Variants in HEXA observed in about 807,000 individuals in gnomAD.
HEXA encodes beta-hexosaminidase subunit alpha.
In HEXA, 54 loss-of-function variants were observed where a neutral mutation model predicts 73.3. The observed-to-expected ratio is 0.74, with a 90% confidence interval of 0.59 to 0.92. The LOEUF is 0.92. Ranked by LOEUF, HEXA falls within the 40% of genes least tolerant of loss-of-function variation. The pLI, the probability that HEXA is intolerant of heterozygous loss-of-function variation, is 0.00. For synonymous variants in HEXA, 230 were observed against 246.9 expected (o/e 0.93, Z 0.64); for missense variants, 649 against 653.0 (o/e 0.99, Z 0.07).
At chr15:72,345,316 G>T in intron 13 of HEXA, 130 bp downstream of exon 13, 1 of 1,511,614 alleles carries the variant, frequency 6.6e-7, no homozygotes, top group Non-Finnish European at 8.9e-7. Flanking sequence ...GGTTGAATCC[G>T]TGGATGAGGG....
chr15:72,345,537 C>T lies in HEXA; in HGVS notation c.1435G>A (p.Ala479Thr), dbSNP rs145012038. The change falls in exon 13 of 14, where the codon GCT (alanine) becomes ACT (threonine). Residue 479 changes from alanine (A) to threonine (T), a missense_variant. Transcript: ENST00000268097. ...LVPRLWPRAG[A>T]VAERLWSNKL... The stretch of plus-strand genomic sequence containing the variant: ...TTGCTCCACAGCCTTTCGGCAACAG[C>T]CCCTGCTCTGGGCCTGGAGGAAAAG... The T allele has an allele frequency of 4.2e-4, 672 of 1,614,226 alleles. 6 individuals carry two copies. The East Asian group carries it at 7.5e-3, about 18-fold the overall frequency.
intron 1 of HEXA, among the ~76,000 whole-genome samples, chr15:72,371,607 A>G (rs1319389146): frequency 1.3e-5 from 2 of 151,856 alleles, no homozygotes; most frequent in African/African-American, 2.4e-5. Context: ...AAAAAAAAAA[A>G]AAAAAAGAAA....
chr15:72,375,380 T>C (rs1271134555), intron 1 of HEXA, among the ~76,000 whole-genome samples: 1 of 152,160 alleles, frequency 6.6e-6, no homozygotes, highest in Non-Finnish European at 1.5e-5. Flanking sequence ...CTTTGCATAG[T>C]TCTTGTATTA....
In HEXA at chr15:72,343,404, A is replaced by C. The variant is rs1291191906; in HGVS notation, c.*673T>G. ...GAGTTTTTGAGACAGTCTCAAAAAC[A>C]AAAACAACAAAAAAACCCACTACCA... On this transcript the variant is annotated 3_prime_UTR_variant, in exon 14 of 14. Transcript: ENST00000268097. The C allele has an allele frequency of 2.0e-5, 3 of 152,278 alleles. No homozygotes were observed. The highest frequency in any genetic ancestry group is 7.2e-5 in the African/African-American group (3 of 41,456). The allele number at this position is 152,278 out of a possible 1,614,324, so 9.4% of individuals were successfully genotyped here. A position where few individuals can be genotyped will look rare whatever the true frequency, so the allele number is the denominator to read the frequency against.
intron 1 of HEXA, among the ~76,000 whole-genome samples, chr15:72,374,439 C>T (rs1419755465): frequency 6.6e-6 from 1 of 152,192 alleles, no homozygotes; most frequent in Non-Finnish European, 1.5e-5. Context: ...TTCCCCAAAT[C>T]AAATGTCACT....
At chr15:72,375,617 G>C (rs2089052851) in intron 1 of HEXA, 103 bp downstream of exon 1, 3 of 1,323,016 alleles carry the variant, frequency 2.3e-6, no homozygotes, top group Non-Finnish European at 1.1e-6. Flanking sequence ...TGTGATCAGA[G>C]GGCTGGACAA....
chr15:72,346,365 G>T, intron 11 of HEXA, 40 bp from the exon 12 acceptor site: 2 of 1,562,928 alleles, frequency 1.3e-6, no homozygotes, highest in Admixed American at 1.7e-5. Context: ...TGATGGTGGG[G>T]TAACTCCAGG....
Position 72,341,961 on chromosome 15 carries a change from G to C in HEXA, c.*2116C>G, listed in dbSNP as rs961520885. ...TACTGCTTTAACTCAAGTGTATCAC[G>C]ATCTCTGCCTTCATCCACTTGAGAC... On this transcript the variant is annotated 3_prime_UTR_variant, in exon 14 of 14. Coordinates refer to ENST00000268097, the MANE Select transcript of HEXA (RefSeq NM_000520.6). 2 of 152,264 alleles carry C rather than the reference G, an allele frequency of 1.3e-5. No individual in the cohort carries two copies. The highest frequency in any genetic ancestry group is 2.9e-5 in the Non-Finnish European group (2 of 68,022). The allele number at this position is 152,264 out of a possible 1,614,324, so 9.4% of individuals were successfully genotyped here. A position where few individuals can be genotyped will look rare whatever the true frequency, so the allele number is the denominator to read the frequency against.
At chr15:72,347,612 A>G in intron 10 of HEXA, 74 bp downstream of exon 10, 1 of 1,155,218 alleles carries the variant, frequency 8.7e-7, no homozygotes, top group Non-Finnish European at 1.3e-6. Flanking sequence ...CAGTCTCTGT[A>G]GAGGCAGGGA....
At chr15:72,366,372 G>T in intron 1 of HEXA, among the ~76,000 whole-genome samples, 1 of 150,570 alleles carries the variant, frequency 6.6e-6, no homozygotes, top group South Asian at 2.1e-4. Flanking sequence ...GCAGTGGCGC[G>T]ATCTCAGCTC....
chr15:72,373,527 A>G (rs2089019552), intron 1 of HEXA, among the ~76,000 whole-genome samples: 1 of 152,216 alleles, frequency 6.6e-6, no homozygotes, highest in South Asian at 2.1e-4. Context: ...CAACTAATAA[A>G]GCTAATGAAC....
At chr15:72,353,038 A>T (rs760533263) in intron 5 of HEXA, 30 bp downstream of exon 5, 1 of 1,294,240 alleles carries the variant, frequency 7.7e-7, no homozygotes, top group Admixed American at 1.7e-5. Context: ...AGAACTCTTA[A>T]GTGTGAAGAA....
chr15:72,362,827 T>C (rs931164536), intron 1 of HEXA, among the ~76,000 whole-genome samples: 1 of 152,170 alleles, frequency 6.6e-6, no homozygotes, highest in Non-Finnish European at 1.5e-5. Context: ...CTACCACCCG[T>C]TCCCTCCTGA....
At chr15:72,373,474 CACCCA>C (rs2089018903) in intron 1 of HEXA, among the ~76,000 whole-genome samples, 1 of 152,186 alleles carries the variant, frequency 6.6e-6, no homozygotes, top group African/African-American at 2.4e-5. Context: ...TGGTAATGTT[CACCCA>C]ACCCAGTTTT....
At position 72,353,718 on chromosome 15, in the gene HEXA, C is replaced by T; in HGVS notation, c.432G>A (p.Gln144=). 1.9e-6 allele frequency: 3 copies of T among 1,613,172 alleles called. No homozygotes were observed. Among genetic ancestry groups the T allele is most frequent in the South Asian group, 2.2e-5 (2 of 91,058 alleles). The stretch of plus-strand genomic sequence containing the variant: ...TGCCCTCAGCAGATTTCCAAACAAG[C>T]TGGCTAAAAGTCTCCAGACCTAGGA... ...GALRGLETFS[Q]LVWKSAEGTF... is the part of the protein sequence containing the mutation. The change falls in exon 4 of 14, where the codon CAG becomes CAA. Residue 144 remains glutamine (Q), a synonymous_variant. Transcript: ENST00000268097.
intron 1 of HEXA, among the ~76,000 whole-genome samples, chr15:72,365,390 C>T (rs2088903974): frequency 6.6e-6 from 1 of 152,200 alleles, no homozygotes; most frequent in Admixed American, 6.5e-5. Context: ...TGAGCCACGG[C>T]ACCCAGCCAT....
In HEXA at chr15:72,343,412, C is replaced by G. The variant is rs1014911890; in HGVS notation, c.*665G>C. ...GAGACAGTCTCAAAAACAAAAACAA[C>G]AAAAAAACCCACTACCACAGTGCCT... On this transcript the variant is annotated 3_prime_UTR_variant, in exon 14 of 14. Coordinates refer to ENST00000268097, the MANE Select transcript of HEXA (RefSeq NM_000520.6). 2 of 151,904 alleles carry G rather than the reference C, an allele frequency of 1.3e-5. No individual in the cohort carries two copies. Among genetic ancestry groups the G allele is most frequent in the Admixed American group, 6.6e-5 (1 of 15,250 alleles). 9.4% of individuals were successfully genotyped at this position (151,904 alleles called of 1,614,324 possible).
At chr15:72,363,854 G>A (rs1018175487) in intron 1 of HEXA, among the ~76,000 whole-genome samples, 1 of 151,856 alleles carries the variant, frequency 6.6e-6, no homozygotes, top group Non-Finnish European at 1.5e-5. Flanking sequence ...CCACTGGAAA[G>A]AGAACATCTC....
intron 1 of HEXA, chr15:72,360,280 C>A: frequency 6.5e-6 from 1 of 153,070 alleles, no homozygotes; most frequent in Non-Finnish European, 1.5e-5. Context: ...TCCATCTTGG[C>A]TGGGCCCTTG....
Sources: allele counts gnomAD v4.1 joint callset (sites outside exome capture counted in the v4.1 genomes callset), GRCh38; gene constraint gnomAD v4.1.1; transcripts MANE v1.5; gene names NCBI Gene and HGNC (gene_info 2026-07-23, HGNC 2026-07-21).